ZNF567: variants seen among roughly 807,000 people sequenced by gnomAD.
The protein encoded by ZNF567 is zinc finger protein 567.
ZNF567 carries 36 observed loss-of-function variants against 53.9 expected under a neutral mutation model. The ratio of observed to expected loss-of-function variants is 0.67; its 90% confidence interval spans 0.51 to 0.88. The LOEUF is 0.88. Among genes scored for constraint, ZNF567 ranks in the 40% least tolerant of loss-of-function variants. ZNF567 has a pLI of 0.00. For synonymous variants in ZNF567, 224 were observed against 260.4 expected (o/e 0.86, Z 1.35); for missense variants, 619 against 764.7 (o/e 0.81, Z 2.25).
chr19:36,720,399 A>G lies in ZNF567; in HGVS notation c.1675A>G (p.Lys559Glu). The change falls in exon 6 of 6, where the codon AAA (lysine) becomes GAA (glutamate). Residue 559 changes from lysine (K) to glutamate (E), a missense_variant. Transcript: ENST00000682579. ...TVHQKIHTGQ[K>E]SYECPQCGKA... ...ACATCAGAAAATACATACCGGCCAG[A>G]AATCCTATGAATGTCCTCAGTGTGG... is the stretch of plus-strand genomic sequence containing the variant. 6.2e-7 allele frequency: 1 copy of G among 1,614,186 alleles called. No individual in the cohort carries two copies. The highest frequency in any genetic ancestry group is 8.5e-7 in the Non-Finnish European group (1 of 1,180,028).
At chr19:36,687,724 G>T in intron 1 of ZNF567, 90 bp downstream of exon 1, 1 of 153,156 alleles carries the variant, frequency 6.5e-6, no homozygotes. Context: ...AGCCTGGGCT[G>T]GGGAAAGCAA....
chr19:36,670,740 A>G, the ZNF567 span, among the ~76,000 whole-genome samples: 16 of 152,304 alleles, frequency 1.1e-4, no homozygotes, highest in South Asian at 3.3e-3. Flanking sequence ...CCTCAGGAGT[A>G]TATCAGCTCT....
At chr19:36,699,037 G>A (rs1392783160) in intron 3 of ZNF567, among the ~76,000 whole-genome samples, 1 of 152,046 alleles carries the variant, frequency 6.6e-6, no homozygotes, top group African/African-American at 2.4e-5. Context: ...TTTTCTTCTA[G>A]GGTTTTTATG....
the ZNF567 span, among the ~76,000 whole-genome samples, chr19:36,681,279 A>G: frequency 2.2e-4 from 33 of 152,066 alleles, no homozygotes; most frequent in Admixed American, 3.9e-4. Context: ...TTACAGGTGT[A>G]AGCCACCTCA....
chr19:36,698,769 G>T (rs2039022886), intron 3 of ZNF567, among the ~76,000 whole-genome samples: 1 of 151,754 alleles, frequency 6.6e-6, no homozygotes, highest in South Asian at 2.1e-4. Flanking sequence ...TTTTGATGGG[G>T]TTGTTTTTTT....
At chr19:36,726,593 C>T (rs140492787), downstream of ZNF567, among the ~76,000 whole-genome samples, 4 of 152,274 alleles carry the variant, frequency 2.6e-5, no homozygotes, top group Non-Finnish European at 5.9e-5. Context: ...AGAGAGACAG[C>T]GGTGCCTTGT....
chr19:36,718,304 C>T (rs550094992), intron 5 of ZNF567, among the ~76,000 whole-genome samples: 2 of 152,138 alleles, frequency 1.3e-5, no homozygotes, highest in Admixed American at 6.5e-5. Context: ...TCGAGACCAA[C>T]CTGGCCAGCA....
chr19:36,727,453 C>T (rs1218684520), downstream of ZNF567: 1 of 150,864 alleles, frequency 6.6e-6, no homozygotes, highest in Non-Finnish European at 1.5e-5. Context: ...GATCTCAACT[C>T]ACTGCAAGCT....
At chr19:36,695,337 T>C (rs1177307264) in intron 3 of ZNF567, among the ~76,000 whole-genome samples, 31 of 152,096 alleles carry the variant, frequency 2.0e-4, no homozygotes, top group Admixed American at 2.0e-3. Flanking sequence ...GAGACCAGCC[T>C]GGCCAACATG....
the ZNF567 span, among the ~76,000 whole-genome samples, chr19:36,682,607 A>AT: frequency 2.7e-4 from 39 of 142,530 alleles, no homozygotes; most frequent in African/African-American, 4.9e-4. Flanking sequence ...TATTATTATT[A>AT]TTATTATTTT....
downstream of ZNF567, chr19:36,727,202 G>T (rs1325548214): frequency 1.3e-5 from 2 of 150,674 alleles, no homozygotes; most frequent in Non-Finnish European, 3.0e-5. Flanking sequence ...CTCCCAAGTA[G>T]CTGGGATTAC....
At chr19:36,693,050 A>G (rs2038702051) in intron 2 of ZNF567, among the ~76,000 whole-genome samples, 1 of 152,064 alleles carries the variant, frequency 6.6e-6, no homozygotes, top group Non-Finnish European at 1.5e-5. Flanking sequence ...CACTTTGGGA[A>G]GCCAAGGCAG....
chr19:36,702,218 A>G (rs1225247938), intron 3 of ZNF567, among the ~76,000 whole-genome samples: 1 of 152,110 alleles, frequency 6.6e-6, no homozygotes, highest in Non-Finnish European at 1.5e-5. Context: ...TTCTGGGTTG[A>G]AAATTCTTTT....
chr19:36,709,414 A>C lies in ZNF567; in HGVS notation c.10-2972A>C, dbSNP rs2039661190. Among the ~76,000 whole-genome samples the C allele has an allele frequency of 2.6e-5, 4 of 152,128 alleles. No individual in the cohort carries two copies. The South Asian group carries it at 8.3e-4, about 31-fold the overall frequency. ...TATTTATACTCTTACAATTTTTCTT[A>C]TTTTCTTCATACCTTCCTAAAGACC... On this transcript the variant is annotated intron_variant, in intron 3 of 5. Coordinates refer to ENST00000682579, the MANE Select transcript of ZNF567 (RefSeq NM_001322917.1).
chr19:36,705,506 G>C (rs1173729416), intron 3 of ZNF567, among the ~76,000 whole-genome samples: 1 of 152,108 alleles, frequency 6.6e-6, no homozygotes, highest in Non-Finnish European at 1.5e-5. Context: ...TCCTGTAACT[G>C]GTTCTAGTTT....
Position 36,720,078 on chromosome 19 carries a change from A to G in ZNF567, c.1354A>G (p.Ser452Gly), listed in dbSNP as rs768094313. 6.2e-7 allele frequency: 1 copy of G among 1,614,060 alleles called. No homozygotes were observed. Among genetic ancestry groups the G allele is most frequent in the Non-Finnish European group, 8.5e-7 (1 of 1,180,012 alleles). The part of the protein sequence containing the change: ...THNEEKPYIC[S>G]ECGKSFRQKT... ...TAATGAGGAGAAACCCTATATTTGTAGTGAATGTGGAAAGTCCTTCCGCCA... is the reference window on the plus strand; with the variant it reads ...TAATGAGGAGAAACCCTATATTTGTGGTGAATGTGGAAAGTCCTTCCGCCA... Residue 452 changes from serine to glycine, a missense_variant, in exon 6 of 6, where the codon AGT (serine) becomes GGT (glycine). Ser to Gly is a moderately conservative substitution (Grantham distance 56, BLOSUM62 0). Transcript: ENST00000682579.
the ZNF567 span, among the ~76,000 whole-genome samples, chr19:36,678,770 G>A: frequency 6.6e-6 from 1 of 151,802 alleles, no homozygotes; most frequent in East Asian, 1.9e-4. Flanking sequence ...TGTGAACCTG[G>A]GAGGCGGAGC....
In ZNF567 at chr19:36,720,603, A is replaced by G. The variant is rs1161896519; in HGVS notation, c.1879A>G (p.Ser627Gly). The G allele has an allele frequency of 6.3e-7, 1 of 1,596,096 alleles. No individual in the cohort carries two copies. Among genetic ancestry groups the G allele is most frequent in the South Asian group, 1.1e-5 (1 of 87,450 alleles). ...YVCNECGKSFSYKRNLIVHQR... is the reference protein window; with the variant it reads ...YVCNECGKSFGYKRNLIVHQR... Reference sequence around the variant, plus strand: ...TTGTAATGAGTGTGGTAAGTCTTTCAGTTATAAGAGAAACCTCATTGTCCA... The same window carrying G: ...TTGTAATGAGTGTGGTAAGTCTTTCGGTTATAAGAGAAACCTCATTGTCCA... Residue 627 changes from serine to glycine, a missense_variant, in exon 6 of 6, where the codon AGT becomes GGT. Physicochemically the swap from Ser to Gly is moderately conservative, Grantham distance 56 (BLOSUM62 0). Coordinates refer to ENST00000682579, the MANE Select transcript of ZNF567 (RefSeq NM_001322917.1).
At chr19:36,698,287 G>A (rs1251888115) in intron 3 of ZNF567, among the ~76,000 whole-genome samples, 1 of 151,602 alleles carries the variant, frequency 6.6e-6, no homozygotes, top group Non-Finnish European at 1.5e-5. Context: ...GTATTTCATG[G>A]TGTATATGTG....
Sources: gnomAD v4.1 joint callset for allele counts (sites outside exome capture counted in the v4.1 genomes callset) on GRCh38, gnomAD v4.1.1 for gene constraint, MANE v1.5 for transcripts, NCBI Gene and HGNC (gene_info 2026-07-23, HGNC 2026-07-21) for gene names.